The following SPMAP2 variants were observed in gnomAD, a reference collection of about 807,000 sequenced individuals.
SPMAP2 encodes the protein sperm microtubule associated protein 2, also known as Theg homolog.
the SPMAP2 span, chr19:373,961 C>T: frequency 3.1e-6 from 5 of 1,613,656 alleles, no homozygotes; most frequent in Admixed American, 5.0e-5. Context: ...GAAGTGCAAG[C>T]TCATCTTACA....
chr19:370,564 A>T, the SPMAP2 span, among the ~76,000 whole-genome samples: 1 of 148,980 alleles, frequency 6.7e-6, no homozygotes, highest in Non-Finnish European at 1.5e-5. Context: ...GTTAGCCAGG[A>T]TGGTCTCGAT....
the SPMAP2 span, among the ~76,000 whole-genome samples, chr19:369,064 T>G: frequency 1.3e-5 from 2 of 152,158 alleles, no homozygotes; most frequent in African/African-American, 4.8e-5. Context: ...GGTTCGTGTT[T>G]TAAAATGTCC....
At chr19:364,336 CAAAAA>C in the SPMAP2 span, among the ~76,000 whole-genome samples, 5 of 74,158 alleles carry the variant, frequency 6.7e-5, 1 homozygote, top group Non-Finnish European at 7.2e-5. Context: ...AGCTCTGTCT[CAAAAA>C]AAAAAAAAAA....
chr19:367,798 C>T, the SPMAP2 span, among the ~76,000 whole-genome samples: 8 of 152,148 alleles, frequency 5.3e-5, no homozygotes, highest in African/African-American at 1.7e-4. Context: ...GCCGGGCGCC[C>T]GGCCGCTGGG....
At chr19:369,091 C>T in the SPMAP2 span, among the ~76,000 whole-genome samples, 1 of 152,148 alleles carries the variant, frequency 6.6e-6, no homozygotes, top group African/African-American at 2.4e-5. Context: ...GTTAGAAATT[C>T]CTACTGAAGT....
the SPMAP2 span, among the ~76,000 whole-genome samples, chr19:364,325 A>AG: frequency 7.0e-6 from 1 of 142,114 alleles, no homozygotes. Context: ...TGACAGAGCG[A>AG]AGCTCTGTCT....
chr19:362,431 T>C, the SPMAP2 span: 199 of 1,596,012 alleles, frequency 1.2e-4, no homozygotes, highest in Non-Finnish European at 1.6e-4. Context: ...TGGGCCCTAG[T>C]GGGGGCAGAA....
the SPMAP2 span, among the ~76,000 whole-genome samples, chr19:369,932 C>T: frequency 5.9e-5 from 9 of 152,224 alleles, no homozygotes; most frequent in African/African-American, 2.2e-4. Context: ...TTCAGGCCAT[C>T]TGGATGTATA....
At chr19:370,075 G>A in the SPMAP2 span, among the ~76,000 whole-genome samples, 183 of 151,918 alleles carry the variant, frequency 1.2e-3, no homozygotes, top group African/African-American at 4.2e-3. Context: ...TCCCACTCCC[G>A]GCCCAGACAA....
chr19:364,439 G>A, the SPMAP2 span, among the ~76,000 whole-genome samples: 46 of 151,978 alleles, frequency 3.0e-4, no homozygotes, highest in African/African-American at 1.1e-3. Context: ...CAGCACTTTT[G>A]GAGGCAGAGG....
chr19:373,486 G>A, the SPMAP2 span: 3 of 1,613,314 alleles, frequency 1.9e-6, no homozygotes, highest in African/African-American at 1.3e-5. Context: ...CTGTGATGGT[G>A]AGGGTGGTGT....
chr19:375,513 CGGCAG>C, the SPMAP2 span: 8 of 864,352 alleles, frequency 9.3e-6, no homozygotes, highest in Non-Finnish European at 1.4e-5. Context: ...TAGGCTGACT[CGGCAG>C]GGCCGGGCCC....
chr19:375,666 A>G, the SPMAP2 span: 7 of 1,558,560 alleles, frequency 4.5e-6, no homozygotes, highest in Admixed American at 1.8e-5. Context: ...TGCCCACCTG[A>G]TTTCAGGAAT....
At chr19:366,325 C>T in the SPMAP2 span, among the ~76,000 whole-genome samples, 1 of 152,102 alleles carries the variant, frequency 6.6e-6, no homozygotes, top group Non-Finnish European at 1.5e-5. Context: ...TGTTCATACT[C>T]AACGTGTGTG....
At chr19:371,090 C>G in the SPMAP2 span, 101 of 575,744 alleles carry the variant, frequency 1.8e-4, 1 homozygote, top group Non-Finnish European at 1.9e-4. Context: ...CAAAGGCAGC[C>G]GCCCTGTGCA....
the SPMAP2 span, chr19:371,367 GGGGTGTGTGTGTGTGTGTGT>G: frequency 2.8e-6 from 2 of 718,860 alleles, no homozygotes; most frequent in Non-Finnish European, 4.1e-6. Context: ...GCCGGGGGTG[GGGGTGTGTGTGTGTGTGTGT>G]GTGTGTGTGT....
the SPMAP2 span, chr19:373,519 G>T: frequency 6.2e-7 from 1 of 1,613,408 alleles, no homozygotes; most frequent in South Asian, 1.1e-5. Context: ...GCTCGGTCCA[G>T]TACACAGAGG....
At chr19:362,174 G>T in the SPMAP2 span, 1 of 1,452,662 alleles carries the variant, frequency 6.9e-7, no homozygotes, top group Non-Finnish European at 9.1e-7. Flanking sequence ...TAGGGTGCCT[G>T]AGGGTGTTTA....
the SPMAP2 span, chr19:361,948 C>G: frequency 3.0e-6 from 1 of 328,954 alleles, no homozygotes; most frequent in Non-Finnish European, 5.5e-6. Context: ...CCGACGGTCC[C>G]GTGGGCCCTC....
Sources: allele counts gnomAD v4.1 joint callset (sites outside exome capture counted in the v4.1 genomes callset), GRCh38; gene constraint gnomAD v4.1.1; transcripts MANE v1.5; gene names NCBI Gene and HGNC (gene_info 2026-07-23, HGNC 2026-07-21).